Variants in CLSTN2 observed in about 807,000 individuals in gnomAD.
The protein encoded by CLSTN2 is calsyntenin 2.
A neutral mutation model predicts 101.2 loss-of-function variants in CLSTN2; 48 were observed. The observed-to-expected ratio is 0.47, with a 90% CI of 0.38 to 0.60. The LOEUF is 0.60. Ranked by LOEUF, CLSTN2 falls within the 20% of genes least tolerant of loss-of-function variation. CLSTN2 has a pLI of 0.00. For synonymous variants in CLSTN2, 481 were observed against 463.6 expected (o/e 1.04, Z -0.48); for missense variants, 1,160 against 1,238.2 (o/e 0.94, Z 0.95).
At chr3:140,235,093 T>C (rs527838269) in intron 2 of CLSTN2, among the ~76,000 whole-genome samples, 1 of 152,318 alleles carries the variant, frequency 6.6e-6, no homozygotes, top group Admixed American at 6.5e-5. Flanking sequence ...ATAGGAATAA[T>C]ATTAATTTTT....
intron 10 of CLSTN2, among the ~76,000 whole-genome samples, chr3:140,548,481 G>A (rs982349621): frequency 1.3e-5 from 2 of 152,182 alleles, no homozygotes; most frequent in Non-Finnish European, 2.9e-5. Context: ...CCAGAACCTT[G>A]GAGACTGGCA....
chr3:140,237,067 T>G (rs1280854834), intron 2 of CLSTN2, among the ~76,000 whole-genome samples: 1 of 152,312 alleles, frequency 6.6e-6, no homozygotes, highest in East Asian at 1.9e-4. Context: ...TAATTTTTTA[T>G]TGGATTCTGG....
At chr3:140,106,452 C>T (rs2009059669) in intron 1 of CLSTN2, among the ~76,000 whole-genome samples, 1 of 152,182 alleles carries the variant, frequency 6.6e-6, no homozygotes, top group Admixed American at 6.5e-5. Context: ...AGTGAGGCCT[C>T]CCTGACACAC....
chr3:140,358,968 A>G (rs748644938), intron 2 of CLSTN2, among the ~76,000 whole-genome samples: 14 of 152,162 alleles, frequency 9.2e-5, no homozygotes, highest in Non-Finnish European at 2.1e-4. Context: ...CCTCCCAGGC[A>G]GGACTGGCAT....
chr3:139,945,291 G>A (rs73867227), intron 1 of CLSTN2, among the ~76,000 whole-genome samples: 5,514 of 152,236 alleles, frequency 0.036, 308 homozygotes, highest in African/African-American at 0.12. Context: ...CTCTGGGTGT[G>A]AGTCTCTATC....
chr3:140,365,618 A>G (rs1244657473), intron 2 of CLSTN2, among the ~76,000 whole-genome samples: 2 of 151,980 alleles, frequency 1.3e-5, no homozygotes, highest in African/African-American at 4.8e-5. Flanking sequence ...AGGTGAGGGG[A>G]CTTAAGGCCA....
chr3:140,269,393 T>C (rs1340817277), intron 2 of CLSTN2, among the ~76,000 whole-genome samples: 1 of 152,200 alleles, frequency 6.6e-6, no homozygotes, highest in Non-Finnish European at 1.5e-5. Context: ...ATTTCACCTT[T>C]CTCCTGGCAC....
chr3:140,264,191 T>A (rs142345787), intron 2 of CLSTN2, among the ~76,000 whole-genome samples: 1 of 151,840 alleles, frequency 6.6e-6, no homozygotes, highest in African/African-American at 2.4e-5. Flanking sequence ...TTTTCACTTT[T>A]ATACTTTTTG....
Position 140,176,042 on chromosome 3 carries a change from C to T in CLSTN2, c.201C>T (p.Ala67=), listed in dbSNP as rs1294909541. Residue 67 remains alanine (A), a synonymous_variant, in exon 2 of 17, where the codon GCC becomes GCT. Transcript: ENST00000458420. ...TCATTTTGGACCCACCACTGGTAGC[C>T]CTGGATAAAGATGCACCGGTTCCTT... The part of the protein sequence containing the change: ...DTVILDPPLV[A]LDKDAPVPFA... The T allele has an allele frequency of 6.2e-7, 1 of 1,613,760 alleles. No individual in the cohort carries two copies. Among genetic ancestry groups the T allele is most frequent in the Non-Finnish European group, 8.5e-7 (1 of 1,179,816 alleles).
At chr3:140,428,348 AT>A (rs142598217) in intron 5 of CLSTN2, among the ~76,000 whole-genome samples, 5,050 of 152,000 alleles carry the variant, frequency 0.033, 305 homozygotes, top group African/African-American at 0.12. Flanking sequence ...TGCAAGTCAG[AT>A]TTTGTATTCA....
chr3:140,499,440 T>C (rs772763747), intron 8 of CLSTN2, among the ~76,000 whole-genome samples: 2 of 152,222 alleles, frequency 1.3e-5, no homozygotes, highest in African/African-American at 2.4e-5. Context: ...AATTAAATGG[T>C]CAGCCAAGGA....
At chr3:140,168,550 T>C (rs562892733) in intron 1 of CLSTN2, among the ~76,000 whole-genome samples, 41 of 152,100 alleles carry the variant, frequency 2.7e-4, no homozygotes, top group African/African-American at 9.6e-4. Context: ...GGGGCATGCT[T>C]TTTTTTGGAG....
At chr3:140,413,586 G>A (rs1020338767) in intron 4 of CLSTN2, among the ~76,000 whole-genome samples, 1 of 152,098 alleles carries the variant, frequency 6.6e-6, no homozygotes, top group African/African-American at 2.4e-5. Flanking sequence ...GTCAGACAAA[G>A]ACAGTTCAAG....
chr3:140,489,671 T>A (rs1427670594), intron 8 of CLSTN2, among the ~76,000 whole-genome samples: 1 of 152,042 alleles, frequency 6.6e-6, no homozygotes, highest in Non-Finnish European at 1.5e-5. Context: ...CAACCCTGTG[T>A]TGGCTCTAAA....
intron 2 of CLSTN2, among the ~76,000 whole-genome samples, chr3:140,230,886 C>T (rs995989182): frequency 2.6e-5 from 4 of 152,134 alleles, no homozygotes; most frequent in African/African-American, 7.2e-5. Flanking sequence ...TTAGGTTTCC[C>T]TGGAGTCTTG....
intron 2 of CLSTN2, among the ~76,000 whole-genome samples, chr3:140,252,953 G>A (rs1366305275): frequency 6.6e-6 from 1 of 152,060 alleles, no homozygotes; most frequent in Non-Finnish European, 1.5e-5. Flanking sequence ...GGGTGACCAG[G>A]CCAACAGCTA....
intron 2 of CLSTN2, among the ~76,000 whole-genome samples, chr3:140,396,220 G>A (rs2088180532): frequency 6.6e-6 from 1 of 152,122 alleles, no homozygotes; most frequent in South Asian, 2.1e-4. Context: ...CTCCCCGTGG[G>A]AGCAGTGCTG....
At chr3:140,563,344 C>G (rs905483240) in intron 15 of CLSTN2, 141 bp downstream of exon 15, 1 of 927,694 alleles carries the variant, frequency 1.1e-6, no homozygotes, top group African/African-American at 1.6e-5. Flanking sequence ...GAAAATGTGC[C>G]CTGGCTTTGA....
chr3:140,467,817 T>C (rs73231216), intron 8 of CLSTN2, among the ~76,000 whole-genome samples: 7,135 of 152,230 alleles, frequency 0.047, 252 homozygotes, highest in East Asian at 0.12. Context: ...AAGCTGATCT[T>C]AGAGTGTTAC....
Sources: allele counts gnomAD v4.1 joint callset (sites outside exome capture counted in the v4.1 genomes callset), GRCh38; gene constraint gnomAD v4.1.1; transcripts MANE v1.5; gene names NCBI Gene and HGNC (gene_info 2026-07-23, HGNC 2026-07-21).